RLIG1: variants seen among roughly 807,000 people sequenced by gnomAD.
RLIG1 encodes RNA ligase 1.
chr12:88,036,056 G>GGTGCT, the RLIG1 span: 1 of 1,414,622 alleles, frequency 7.1e-7, no homozygotes, highest in South Asian at 1.2e-5. Flanking sequence ...GCACCTTTTG[G>GGTGCT]GGAAACCCCC....
chr12:88,042,489 T>G, the RLIG1 span: 1 of 165,748 alleles, frequency 6.0e-6, no homozygotes, highest in Non-Finnish European at 1.3e-5. Flanking sequence ...GGGGAAGGGG[T>G]GGGGTAAATA....
chr12:88,041,687 CAAAA>C, the RLIG1 span: 1 of 152,108 alleles, frequency 6.6e-6, no homozygotes, highest in Non-Finnish European at 1.5e-5. Context: ...AAAAAAGAAA[CAAAA>C]GGTCCATTGA....
chr12:88,035,608 C>G, the RLIG1 span: 3 of 1,563,470 alleles, frequency 1.9e-6, no homozygotes, highest in East Asian at 2.4e-5. Flanking sequence ...GGGCGCCGCT[C>G]GAAAGCACGC....
At chr12:88,035,576 A>AG in the RLIG1 span, 1 of 1,474,284 alleles carries the variant, frequency 6.8e-7, no homozygotes, top group South Asian at 1.2e-5. Context: ...TGACTGCTTC[A>AG]GGGCTTCTCC....
At chr12:88,045,470 C>G in the RLIG1 span, 1 of 739,290 alleles carries the variant, frequency 1.4e-6, no homozygotes, top group African/African-American at 1.8e-5. Flanking sequence ...TATCTCTTTG[C>G]GATAGACACC....
chr12:88,048,915 ATTC>A, the RLIG1 span: 1 of 256,616 alleles, frequency 3.9e-6, no homozygotes, highest in Non-Finnish European at 7.2e-6. Flanking sequence ...TTACCCTCAT[ATTC>A]TTTAAAAAAC....
At chr12:88,049,367 TGAAG>T in the RLIG1 span, 1 of 1,563,526 alleles carries the variant, frequency 6.4e-7, no homozygotes, top group Non-Finnish European at 8.7e-7. Context: ...CTTCAAAAAA[TGAAG>T]GATCAAAATT....
At chr12:88,046,875 C>T in the RLIG1 span, 4 of 1,612,878 alleles carry the variant, frequency 2.5e-6, no homozygotes, top group South Asian at 4.4e-5. Context: ...AAGAAATCTA[C>T]CTTCATTGAA....
chr12:88,041,505 A>T, the RLIG1 span, among the ~76,000 whole-genome samples: 1 of 152,218 alleles, frequency 6.6e-6, no homozygotes, highest in African/African-American at 2.4e-5. Context: ...ACTGTTTTGC[A>T]TAGTGGCTGC....
chr12:88,035,582 T>C, the RLIG1 span: 27 of 1,505,418 alleles, frequency 1.8e-5, no homozygotes, highest in Non-Finnish European at 2.4e-5. Flanking sequence ...CTTCAGGGCT[T>C]CTCCGCGACT....
the RLIG1 span, chr12:88,043,757 T>C: frequency 7.4e-7 from 1 of 1,347,152 alleles, no homozygotes; most frequent in Admixed American, 1.9e-5. Context: ...TGTTTACTAG[T>C]AAAATGATCA....
chr12:88,042,734 C>T, the RLIG1 span: 1 of 721,350 alleles, frequency 1.4e-6, no homozygotes, highest in African/African-American at 1.9e-5. Context: ...GAGAAATTAG[C>T]CTCCTGTTTG....
At chr12:88,041,109 C>G in the RLIG1 span, among the ~76,000 whole-genome samples, 1 of 152,150 alleles carries the variant, frequency 6.6e-6, no homozygotes, top group South Asian at 2.1e-4. Context: ...ACTCCTTATT[C>G]TCCCACCACC....
the RLIG1 span, among the ~76,000 whole-genome samples, chr12:88,041,244 A>G: frequency 1.3e-5 from 2 of 152,182 alleles, no homozygotes; most frequent in South Asian, 4.1e-4. Context: ...AATGTCCTTA[A>G]GGTTCATTCA....
At chr12:88,048,201 A>G in the RLIG1 span, 5 of 1,472,970 alleles carry the variant, frequency 3.4e-6, no homozygotes, top group African/African-American at 5.8e-5. Flanking sequence ...TAGTATCTGT[A>G]TGCTAAAGCT....
At chr12:88,036,221 A>G in the RLIG1 span, 1 of 471,224 alleles carries the variant, frequency 2.1e-6, no homozygotes, top group Non-Finnish European at 3.5e-6. Flanking sequence ...ACCTCATATT[A>G]CCAGTAATTA....
chr12:88,035,774 G>T, the RLIG1 span: 7 of 1,561,692 alleles, frequency 4.5e-6, no homozygotes, highest in East Asian at 2.4e-5. Context: ...GGCGGCCCGC[G>T]TGGGCTCCTC....
chr12:88,047,151 T>C, the RLIG1 span, among the ~76,000 whole-genome samples: 1 of 152,044 alleles, frequency 6.6e-6, no homozygotes, highest in Non-Finnish European at 1.5e-5. Flanking sequence ...TGCTTCCCAG[T>C]GTGTATTGTG....
the RLIG1 span, chr12:88,041,821 A>G: frequency 1.3e-5 from 2 of 152,164 alleles, no homozygotes; most frequent in South Asian, 2.1e-4. Flanking sequence ...TTGGATTTGT[A>G]TACTTGAGAA....
Sources: allele counts gnomAD v4.1 joint callset (sites outside exome capture counted in the v4.1 genomes callset), GRCh38; gene constraint gnomAD v4.1.1; transcripts MANE v1.5; gene names NCBI Gene and HGNC (gene_info 2026-07-23, HGNC 2026-07-21).